Variants in SP100 observed in about 807,000 individuals in gnomAD.
The protein encoded by SP100 is nuclear autoantigen Sp-100.
Under a neutral mutation model 130.0 loss-of-function variants are expected in SP100, and 84 were observed. That is an observed-to-expected ratio of 0.65 (90% CI 0.54 to 0.77). SP100 has a LOEUF of 0.77. Among genes scored for constraint, SP100 ranks in the 30% least tolerant of loss-of-function variants. The probability of loss-of-function intolerance (pLI) is 0.00; values close to 1 mark genes in which losing one functional copy is unlikely to be tolerated. For synonymous variants in SP100, 331 were observed against 351.7 expected (o/e 0.94, Z 0.66); for missense variants, 978 against 1,052.2 (o/e 0.93, Z 0.97).
intron 2 of SP100, among the ~76,000 whole-genome samples, chr2:230,433,754 A>G (rs138135836): frequency 6.6e-6 from 1 of 151,292 alleles, no homozygotes; most frequent in Admixed American, 6.6e-5. Context: ...TTTATTTTTG[A>G]ATTTGCAAAC....
At chr2:230,441,592 T>C (rs1214785752) in intron 2 of SP100, among the ~76,000 whole-genome samples, 2 of 152,090 alleles carry the variant, frequency 1.3e-5, no homozygotes, top group African/African-American at 4.8e-5. Context: ...CACATCAACA[T>C]GAATGATAAG....
intron 2 of SP100, among the ~76,000 whole-genome samples, chr2:230,420,286 G>T (rs967314085): frequency 6.6e-6 from 1 of 152,100 alleles, no homozygotes; most frequent in Admixed American, 6.6e-5. Flanking sequence ...ATATTGTCTT[G>T]TGTTTTTCTG....
chr2:230,466,013 C>T lies in SP100; in HGVS notation c.1142-288C>T, dbSNP rs532091899. Among the ~76,000 whole-genome samples, 11 of 151,758 alleles carry T rather than the reference C, an allele frequency of 7.2e-5. No homozygotes were observed. The South Asian group carries it at 2.1e-3, about 29-fold the overall frequency. ...CAGTCTGACCAACACAGTGAAACCCCGTCTTTACTAAAAATACAAAAATTA... is the reference window on the plus strand; with the variant it reads ...CAGTCTGACCAACACAGTGAAACCCTGTCTTTACTAAAAATACAAAAATTA... On this transcript the variant is annotated intron_variant, in intron 11 of 28. Transcript: ENST00000340126.
intron 2 of SP100, among the ~76,000 whole-genome samples, chr2:230,420,997 A>T: frequency 6.6e-6 from 1 of 152,182 alleles, no homozygotes; most frequent in Non-Finnish European, 1.5e-5. Flanking sequence ...TTCCCTGTCC[A>T]TTCTCATAAT....
chr2:230,506,595 T>A, intron 22 of SP100, 150 bp downstream of exon 22: 1 of 692,268 alleles, frequency 1.4e-6, no homozygotes, highest in Non-Finnish European at 2.4e-6. Context: ...CGTTCTCACC[T>A]GAACATTACG....
At chr2:230,482,679 G>C (rs1010751271) in intron 17 of SP100, among the ~76,000 whole-genome samples, 3 of 147,816 alleles carry the variant, frequency 2.0e-5, no homozygotes, top group African/African-American at 7.6e-5. Context: ...CACATAACAT[G>C]CATCAAGCTG....
At chr2:230,437,466 CT>C in intron 2 of SP100, among the ~76,000 whole-genome samples, 1 of 152,196 alleles carries the variant, frequency 6.6e-6, no homozygotes, top group Non-Finnish European at 1.5e-5. Context: ...CTTTTTGTGA[CT>C]TCTTTTGTGG....
chr2:230,479,522 T>G (rs2065733240), intron 17 of SP100, among the ~76,000 whole-genome samples: 1 of 152,180 alleles, frequency 6.6e-6, no homozygotes, highest in Non-Finnish European at 1.5e-5. Flanking sequence ...CTCCCACAAC[T>G]TTTCTTTCCT....
rs1692236961 is a variant in SP100 at position 230,543,027 on chromosome 2, C to T, written c.*81C>T. On this transcript the variant is annotated 3_prime_UTR_variant, in exon 29 of 29. Coordinates refer to ENST00000340126, the MANE Select transcript of SP100 (RefSeq NM_001080391.2). ...TGGTCCCACTAATCTGTGACTGCTC[C>T]TGTGGAAACTCCACATCACAATTCT... The T allele has an allele frequency of 1.4e-6, 1 of 707,128 alleles. No homozygotes were observed. Among genetic ancestry groups the T allele is most frequent in the African/African-American group, 1.8e-5 (1 of 55,438 alleles). The allele number at this position is 707,128 out of a possible 1,614,324, so 43.8% of individuals were successfully genotyped here.
intron 15 of SP100, among the ~76,000 whole-genome samples, chr2:230,471,763 A>T (rs2065273551): frequency 6.6e-6 from 1 of 152,154 alleles, no homozygotes; most frequent in African/African-American, 2.4e-5. Flanking sequence ...TGGATAAAGT[A>T]AGGAGAAAGA....
At chr2:230,512,378 C>T (rs913609220) in intron 24 of SP100, among the ~76,000 whole-genome samples, 1 of 141,778 alleles carries the variant, frequency 7.1e-6, no homozygotes, top group Admixed American at 7.6e-5. Flanking sequence ...CAACCTCTAC[C>T]TGCTGGATTC....
chr2:230,515,730 TA>T (rs1466508756), intron 24 of SP100: 1 of 1,517,482 alleles, frequency 6.6e-7, no homozygotes, highest in Non-Finnish European at 8.7e-7. Context: ...AACTTCAACG[TA>T]AGACTGTGTA....
intron 24 of SP100, among the ~76,000 whole-genome samples, chr2:230,518,926 A>C (rs150347337): frequency 3.8e-4 from 58 of 152,296 alleles, no homozygotes; most frequent in African/African-American, 1.2e-3. Flanking sequence ...CCTGAGCATT[A>C]ATGTATTTAT....
chr2:230,542,246 C>G (rs1385403456), intron 28 of SP100, among the ~76,000 whole-genome samples: 1 of 152,124 alleles, frequency 6.6e-6, no homozygotes, highest in African/African-American at 2.4e-5. Context: ...AAACATGGTC[C>G]TATATATAAC....
chr2:230,438,712 ATGTATATG>A lies in SP100; in HGVS notation c.108-4217_108-4210del, dbSNP rs1181839470. 2.0e-5 allele frequency among the ~76,000 whole-genome samples: 3 copies of A among 151,542 alleles called. No homozygotes were observed. The East Asian group carries it at 5.8e-4, about 29-fold the overall frequency. ...ATATGGTATATATATATGTGTATAC[ATGTATATG>A]TGTATATATACATATATATATCACA... is the stretch of plus-strand genomic sequence containing the variant. On this transcript the variant is annotated intron_variant, in intron 2 of 28. Transcript: ENST00000340126.
intron 12 of SP100, 30 bp from the exon 13 acceptor site, chr2:230,467,090 G>T (rs1575670532): frequency 1.4e-6 from 2 of 1,455,900 alleles, no homozygotes; most frequent in East Asian, 4.5e-5. Flanking sequence ...TACATTGAGA[G>T]CTCCAAAGGA....
intron 8 of SP100, among the ~76,000 whole-genome samples, chr2:230,460,998 T>C (rs2064577090): frequency 7.6e-6 from 1 of 132,370 alleles, no homozygotes; most frequent in Non-Finnish European, 1.6e-5. Context: ...ATGTGTCTTA[T>C]ACTGCAATTA....
intron 24 of SP100, chr2:230,537,847 T>G (rs1692007603): frequency 6.6e-6 from 1 of 152,220 alleles, no homozygotes. Context: ...CGATCACAAT[T>G]GCCACAATTG....
chr2:230,497,670 GTCTT>G (rs563586335), intron 18 of SP100, among the ~76,000 whole-genome samples: 270 of 152,148 alleles, frequency 1.8e-3, no homozygotes, highest in South Asian at 5.4e-3. Context: ...ATACCTCACT[GTCTT>G]TCTACCTACC....
Sources: gnomAD v4.1 joint callset for allele counts (sites outside exome capture counted in the v4.1 genomes callset) on GRCh38, gnomAD v4.1.1 for gene constraint, MANE v1.5 for transcripts, NCBI Gene and HGNC (gene_info 2026-07-23, HGNC 2026-07-21) for gene names.